The following CACNA1G variants were observed in gnomAD, a reference collection of about 807,000 sequenced individuals.
The protein encoded by CACNA1G is voltage-dependent T-type calcium channel subunit alpha-1G.
CACNA1G carries 67 observed loss-of-function variants against 219.4 expected under a neutral mutation model. That is an observed-to-expected ratio of 0.31 (90% CI 0.25 to 0.37). The LOEUF is 0.37. CACNA1G is among the 10% of genes least tolerant of loss of function. The pLI, the probability that CACNA1G is intolerant of heterozygous loss-of-function variation, is 1.00. For missense variants in CACNA1G, 2,380 were observed against 3,231.4 expected (o/e 0.74, Z 6.39); for synonymous variants, 1,296 against 1,345.3 (o/e 0.96, Z 0.80).
intron 16 of CACNA1G, 53 bp from the exon 17 acceptor site, chr17:50,599,375 G>T: frequency 6.9e-7 from 1 of 1,449,918 alleles, no homozygotes; most frequent in Non-Finnish European, 9.2e-7. Context: ...GCACATGAGA[G>T]GACAGGGCTG....
rs1239712231 is a variant in CACNA1G, at chr17:50,617,739, A to T, written c.5156-120A>T. 1.2e-5 allele frequency: 17 copies of T among 1,429,834 alleles called. No homozygotes were observed. Among genetic ancestry groups the T allele is most frequent in the African/African-American group, 2.8e-5 (2 of 71,624 alleles). 88.6% of individuals were successfully genotyped at this position (1,429,834 alleles called of 1,614,324 possible). ...GAGACAGGGCTGAGGATGGGGATGC[A>T]ACCTGGCTGGCCCGGAGATGGCCAT... On this transcript the variant is annotated intron_variant, in intron 29 of 37. Transcript: ENST00000359106. The surrounding 1 kb of genome is among the most constrained non-coding windows in gnomAD (Gnocchi z 5.8).
chr17:50,624,334 C>G, intron 36 of CACNA1G, 26 bp from the exon 37 acceptor site: 1 of 1,304,494 alleles, frequency 7.7e-7, no homozygotes, highest in Non-Finnish European at 1.1e-6. Flanking sequence ...TCCCCCCACC[C>G]CTCCCCCGCT....
chr17:50,602,965 G>A, intron 20 of CACNA1G, 50 bp from the exon 21 acceptor site: 1 of 1,610,552 alleles, frequency 6.2e-7, no homozygotes. Flanking sequence ...GGGTGGGAGG[G>A]TTGGCTGCAG....
Position 50,569,579 on chromosome 17 carries a change from C to A in CACNA1G, c.489-127C>A, listed in dbSNP as rs1460941184. The A allele has an allele frequency of 4.1e-6, 3 of 723,472 alleles. No individual in the cohort carries two copies. The African/African-American group carries it at 5.3e-5, about 13-fold the overall frequency. 44.8% of individuals were successfully genotyped at this position (723,472 alleles called of 1,614,324 possible). A position where few individuals can be genotyped will look rare whatever the true frequency, so the allele number is the denominator to read the frequency against. On this transcript the variant is annotated intron_variant, in intron 3 of 37. Transcript: ENST00000359106. ...ACAGAGAGCCGGATCTTCAGGGTCC[C>A]TTGGTGAAGAAGAAGAAGGAGTCAG...
chr17:50,624,263 G>C (rs1456561170), intron 36 of CACNA1G, 97 bp from the exon 37 acceptor site: 1 of 1,273,746 alleles, frequency 7.9e-7, no homozygotes, highest in South Asian at 1.3e-5. Context: ...ATGAGGGGGA[G>C]AGAGTGGAAG....
chr17:50,565,459 T>A (rs2144468219), intron 1 of CACNA1G, among the ~76,000 whole-genome samples: 1 of 151,536 alleles, frequency 6.6e-6, no homozygotes, highest in Non-Finnish European at 1.5e-5. Context: ...CATGTTACCC[T>A]AGGGGTTGCC....
chr17:50,588,704 G>A (rs1394709097), intron 9 of CACNA1G, among the ~76,000 whole-genome samples: 5 of 152,020 alleles, frequency 3.3e-5, no homozygotes, highest in African/African-American at 1.2e-4. Flanking sequence ...ATGCCATACT[G>A]GCCCCCACGA....
At chr17:50,625,937 G>A in intron 37 of CACNA1G, 80 bp from the exon 38 acceptor site, 1 of 1,475,264 alleles carries the variant, frequency 6.8e-7, no homozygotes, top group South Asian at 1.3e-5. Flanking sequence ...GGTGGGCAGG[G>A]GGCACAGCCA....
chr17:50,624,331 A>ACCCC, intron 36 of CACNA1G, 29 bp from the exon 37 acceptor site: 8 of 598,394 alleles, frequency 1.3e-5, no homozygotes, highest in East Asian at 4.5e-5. Flanking sequence ...CTCTCCCCCC[A>ACCCC]CCCCTCCCCC....
intron 33 of CACNA1G, 82 bp from the exon 34 acceptor site, chr17:50,619,601 C>T (rs2051303512): frequency 1.5e-6 from 2 of 1,361,656 alleles, no homozygotes; most frequent in Admixed American, 2.0e-5. Context: ...CTTGTCAATC[C>T]CCTTCCACGA....
rs1064796716 is a variant in CACNA1G, at chr17:50,595,047, G to A, written c.2965G>A (p.Val989Ile). The A allele has an allele frequency of 1.3e-6, 2 of 1,553,600 alleles. No individual in the cohort carries two copies. Among genetic ancestry groups the A allele is most frequent in the Admixed American group, 1.9e-5 (1 of 51,488 alleles). ...SGQLSCIQLP[V>I]DSQGGDANKS... is the part of the protein sequence containing the mutation. ...ACAGTTAAGCTGTATTCAGCTGCCT[G>A]TCGACTCCCAGGGGGTAGGTACGCG... The change falls in exon 14 of 38, where the codon GTC (valine) becomes ATC (isoleucine). Residue 989 changes from valine (V) to isoleucine (I), a missense_variant. Val to Ile is a conservative substitution (Grantham distance 29). Coordinates refer to ENST00000359106, the MANE Select transcript of CACNA1G (RefSeq NM_018896.5).
At chr17:50,564,980 T>A (rs963403987) in intron 1 of CACNA1G, among the ~76,000 whole-genome samples, 1 of 152,122 alleles carries the variant, frequency 6.6e-6, no homozygotes, top group East Asian at 1.9e-4. Context: ...CCATCACCCG[T>A]AGTGCCAGTT....
At chr17:50,574,875 G>A (rs1159886466) in intron 7 of CACNA1G, among the ~76,000 whole-genome samples, 1 of 152,140 alleles carries the variant, frequency 6.6e-6, no homozygotes, top group African/African-American at 2.4e-5. Flanking sequence ...AGCAAGTCAG[G>A]TGGCAGCCTG....
chr17:50,600,959 A>C lies in CACNA1G; in HGVS notation c.3792-92A>C. 6.3e-7 allele frequency: 1 copy of C among 1,582,798 alleles called. No homozygotes were observed. The highest frequency in any genetic ancestry group is 8.6e-7 in the Non-Finnish European group (1 of 1,158,478). On this transcript the variant is annotated intron_variant, in intron 18 of 37. Transcript: ENST00000359106. The surrounding 1 kb of genome is among the most constrained non-coding windows in gnomAD (Gnocchi z 4.1). ...TGTGAGCAGGGTGGCCTCAGCTGGG[A>C]GGGCACTGGAGGGGCAGGGGCTGCG...
chr17:50,573,135 C>T (rs1227180809), intron 7 of CACNA1G, 22 bp downstream of exon 7: 24 of 1,532,460 alleles, frequency 1.6e-5, no homozygotes, highest in Middle Eastern at 1.7e-4. Flanking sequence ...CTCAGATCCC[C>T]GTGGGGATGG....
intron 9 of CACNA1G, among the ~76,000 whole-genome samples, chr17:50,582,527 G>C (rs536831512): frequency 1.3e-5 from 2 of 152,170 alleles, no homozygotes; most frequent in Non-Finnish European, 2.9e-5. Context: ...TGCATACAAG[G>C]TGCCTGCGGG....
chr17:50,572,421 C>G (rs1343453525), intron 5 of CACNA1G, 133 bp from the exon 6 acceptor site: 3 of 741,382 alleles, frequency 4.0e-6, no homozygotes, highest in East Asian at 5.4e-5. Context: ...CCTGCCCAGT[C>G]CCTTCCCCAT....
intron 7 of CACNA1G, chr17:50,573,353 C>CA: frequency 2.1e-6 from 1 of 481,082 alleles, no homozygotes; most frequent in Non-Finnish European, 3.7e-6. Flanking sequence ...ATGAGGCCTC[C>CA]AGCACTGCTC....
chr17:50,615,002 T>C (rs1214536710), intron 26 of CACNA1G, among the ~76,000 whole-genome samples: 3 of 152,194 alleles, frequency 2.0e-5, no homozygotes, highest in African/African-American at 7.2e-5. Flanking sequence ...ACCAGTTGTT[T>C]TTCATCGTAT....
Sources: gnomAD v4.1 joint callset for allele counts (sites outside exome capture counted in the v4.1 genomes callset) on GRCh38, gnomAD v4.1.1 for gene constraint, Gnocchi (gnomAD v3.1) non-coding constraint, MANE v1.5 for transcripts, NCBI Gene and HGNC (gene_info 2026-07-23, HGNC 2026-07-21) for gene names.